TANC1: variants seen among roughly 807,000 people sequenced by gnomAD.
TANC1 encodes tetratricopeptide repeat, ankyrin repeat and coiled-coil containing 1, also known as protein TANC1.
TANC1 carries 77 observed loss-of-function variants against 149.7 expected under a neutral mutation model. The observed-to-expected ratio is 0.51, with a 90% CI of 0.43 to 0.62. The LOEUF (loss-of-function observed/expected upper bound fraction) is 0.62. TANC1 is among the 20% of genes least tolerant of loss of function. The probability of loss-of-function intolerance (pLI) is 0.00; values close to 1 mark genes in which losing one functional copy is unlikely to be tolerated. For missense variants in TANC1, 1,985 were observed against 2,321.8 expected (o/e 0.85, Z 2.98); for synonymous variants, 854 against 925.0 (o/e 0.92, Z 1.39).
intron 19 of TANC1, among the ~76,000 whole-genome samples, chr2:159,205,294 G>GTGTAAAAA (rs1342898337): frequency 1.3e-5 from 2 of 152,204 alleles, no homozygotes; most frequent in East Asian, 1.9e-4. Flanking sequence ...ATTACTGTTG[G>GTGTAAAAA]TGTAAAAATG....
intron 2 of TANC1, among the ~76,000 whole-genome samples, chr2:159,052,236 G>A (rs2041530636): frequency 1.1e-5 from 1 of 89,554 alleles, no homozygotes; most frequent in Admixed American, 1.1e-4. Context: ...TTTGTACATT[G>A]TCTGTCACAG....
intron 8 of TANC1, among the ~76,000 whole-genome samples, chr2:159,164,413 G>A (rs1404560850): frequency 6.6e-6 from 1 of 152,152 alleles, no homozygotes; most frequent in African/African-American, 2.4e-5. Flanking sequence ...TTTATAGTAG[G>A]AACTTGAGCA....
chr2:159,042,770 G>T (rs898597866), intron 2 of TANC1, among the ~76,000 whole-genome samples: 1 of 152,000 alleles, frequency 6.6e-6, no homozygotes, highest in African/African-American at 2.4e-5. Flanking sequence ...AAAGAGCAAA[G>T]GTGTGAAGTT....
At chr2:159,013,697 G>A (rs929646987) in intron 2 of TANC1, among the ~76,000 whole-genome samples, 1 of 152,198 alleles carries the variant, frequency 6.6e-6, no homozygotes, top group Admixed American at 6.5e-5. Flanking sequence ...CCTCCTGATA[G>A]GAGAGGCACC....
intron 2 of TANC1, among the ~76,000 whole-genome samples, chr2:159,018,128 A>G (rs1368192209): frequency 6.6e-6 from 1 of 152,152 alleles, no homozygotes; most frequent in African/African-American, 2.4e-5. Flanking sequence ...ATACTGGTTG[A>G]GAGAAAAGAG....
intron 19 of TANC1, among the ~76,000 whole-genome samples, chr2:159,214,489 C>G (rs2059218356): frequency 1.3e-5 from 2 of 152,216 alleles, no homozygotes. Flanking sequence ...GTGCCCTCCA[C>G]TAGGGTGACT....
At chr2:159,078,076 A>T (rs1243615576) in intron 3 of TANC1, among the ~76,000 whole-genome samples, 2 of 152,204 alleles carry the variant, frequency 1.3e-5, no homozygotes, top group African/African-American at 4.8e-5. Context: ...ATTTGAAACC[A>T]TACTTCCTGG....
chr2:159,152,463 A>ATTTTTTTTTTTTTTTTTTTTTTTTTT (rs55894080), intron 7 of TANC1, among the ~76,000 whole-genome samples: 1 of 118,156 alleles, frequency 8.5e-6, no homozygotes, highest in East Asian at 2.3e-4. Context: ...TTATAACCAA[A>ATTTTTTTTTTTTTTTTTTTTTTTTTT]TTTTTTTTTT....
At chr2:159,186,037 C>G (rs2056942253) in intron 15 of TANC1, 138 bp downstream of exon 15, 1 of 649,746 alleles carries the variant, frequency 1.5e-6, no homozygotes, top group Non-Finnish European at 2.7e-6. Flanking sequence ...CTCCTGCCTC[C>G]CCTCTCCAAA....
intron 10 of TANC1, among the ~76,000 whole-genome samples, chr2:159,171,213 T>C (rs142694779): frequency 4.6e-5 from 7 of 152,328 alleles, no homozygotes; most frequent in African/African-American, 1.4e-4. Flanking sequence ...TATTGGATTT[T>C]CCAAAATTAT....
At chr2:159,145,670 G>A (rs2051991728) in intron 5 of TANC1, among the ~76,000 whole-genome samples, 1 of 152,182 alleles carries the variant, frequency 6.6e-6, no homozygotes, top group South Asian at 2.1e-4. Flanking sequence ...GTCCACAAGG[G>A]GGTGAGAAGC....
intron 3 of TANC1, among the ~76,000 whole-genome samples, chr2:159,089,098 C>G (rs1397615464): frequency 1.3e-5 from 2 of 152,162 alleles, no homozygotes; most frequent in Non-Finnish European, 2.9e-5. Context: ...GAGGCCGACT[C>G]CAGGGTCAGG....
intron 4 of TANC1, among the ~76,000 whole-genome samples, chr2:159,128,555 A>G (rs2049736371): frequency 6.6e-6 from 1 of 152,114 alleles, no homozygotes; most frequent in Admixed American, 6.5e-5. Flanking sequence ...CCCAAGGTGA[A>G]TCTTCCCAAG....
At chr2:159,215,980 T>C (rs542892252) in intron 19 of TANC1, among the ~76,000 whole-genome samples, 3 of 152,312 alleles carry the variant, frequency 2.0e-5, no homozygotes, top group Admixed American at 2.0e-4. Context: ...GTGTTTCTGG[T>C]ACACCTTGAG....
intron 2 of TANC1, chr2:159,003,949 T>C: frequency 4.3e-6 from 7 of 1,612,702 alleles, no homozygotes; most frequent in Non-Finnish European, 5.9e-6. Context: ...CCACAGCTGA[T>C]GACAAAAAGC....
intron 26 of TANC1, 66 bp downstream of exon 26, chr2:159,228,962 A>G (rs1311369355): frequency 3.2e-5 from 42 of 1,309,044 alleles, no homozygotes; most frequent in Admixed American, 8.9e-5. Context: ...TGCCTGTTGA[A>G]TTTGGGGAGG....
intron 14 of TANC1, among the ~76,000 whole-genome samples, chr2:159,184,184 G>T (rs2056762643): frequency 1.3e-5 from 2 of 152,230 alleles, no homozygotes; most frequent in African/African-American, 4.8e-5. Context: ...GGATTGTGCA[G>T]GTAAATGAGA....
chr2:159,215,946 G>T, intron 19 of TANC1, among the ~76,000 whole-genome samples: 1 of 152,196 alleles, frequency 6.6e-6, no homozygotes, highest in East Asian at 1.9e-4. Context: ...TTTGCAGCCC[G>T]GGGTGCGGTG....
At chr2:158,998,768 T>A (rs1403697966) in intron 1 of TANC1, among the ~76,000 whole-genome samples, 1 of 152,216 alleles carries the variant, frequency 6.6e-6, no homozygotes, top group Non-Finnish European at 1.5e-5. Flanking sequence ...GGGACAGAAC[T>A]GAGCTACTAA....
Sources: allele counts gnomAD v4.1 joint callset (sites outside exome capture counted in the v4.1 genomes callset), GRCh38; gene constraint gnomAD v4.1.1; transcripts MANE v1.5; gene names NCBI Gene and HGNC (gene_info 2026-07-23, HGNC 2026-07-21).